Variants in ARHGEF4 observed in about 807,000 individuals in gnomAD.
ARHGEF4 encodes the protein APC-stimulated guanine nucleotide exchange factor 1.
A neutral mutation model predicts 162.0 loss-of-function variants in ARHGEF4; 119 were observed. That is an observed-to-expected ratio of 0.73 (90% CI 0.63 to 0.86). ARHGEF4 has a LOEUF of 0.86. ARHGEF4 is among the 40% of genes least tolerant of loss of function. ARHGEF4 has a pLI of 0.00. For synonymous variants in ARHGEF4, 1,014 were observed against 979.9 expected (o/e 1.03, Z -0.65); for missense variants, 2,488 against 2,456.0 (o/e 1.01, Z -0.28).
chr2:130,941,277 G>T (rs925277487), intron 3 of ARHGEF4, among the ~76,000 whole-genome samples: 2 of 150,414 alleles, frequency 1.3e-5, no homozygotes, highest in African/African-American at 4.9e-5. Flanking sequence ...CGTGATCTCA[G>T]CCCACTTCAA....
At position 130,836,967 on chromosome 2, in the gene ARHGEF4, T is replaced by G; in HGVS notation, c.14T>G (p.Val5Gly). Residue 5 changes from valine (V) to glycine (G), a missense_variant, in exon 1 of 14, where the codon GTG (valine) becomes GGG (glycine). Physicochemically the swap from Val to Gly is moderately radical, Grantham distance 109. This residue lies in a region of ARHGEF4 where 171 missense variants were observed against 169.4 expected (regional missense o/e 1.01). Transcript: ENST00000409359. ...CCGGCGGCCACCATGCTCAGCGTCGTGCACTTCCTCCGGAGCTTCTTCAAG... is the reference window on the plus strand; with the variant it reads ...CCGGCGGCCACCATGCTCAGCGTCGGGCACTTCCTCCGGAGCTTCTTCAAG... The part of the protein sequence containing the change: MLSV[V>G]HFLRSFFKTP... The G allele has an allele frequency of 8.2e-7, 1 of 1,226,604 alleles. No homozygotes were observed. The allele number at this position is 1,226,604 out of a possible 1,614,324, so 76.0% of individuals were successfully genotyped here.
At chr2:130,930,295 G>T (rs1168740586) in intron 2 of ARHGEF4, among the ~76,000 whole-genome samples, 1 of 152,188 alleles carries the variant, frequency 6.6e-6, no homozygotes, top group Non-Finnish European at 1.5e-5. Context: ...CATGGGGTGG[G>T]CATAGGGGAT....
chr2:131,011,915 G>A, intron 4 of ARHGEF4: 1 of 702,530 alleles, frequency 1.4e-6, no homozygotes, highest in Admixed American at 2.0e-5. Flanking sequence ...GGAGGTACGT[G>A]GTGGACAGAT....
At chr2:130,964,231 C>T (rs13004865) in intron 4 of ARHGEF4, 1 of 985,712 alleles carries the variant, frequency 1.0e-6, no homozygotes, top group Non-Finnish European at 1.2e-6. Context: ...CCTGGAGAGC[C>T]TGCGCTCGGC....
intron 1 of ARHGEF4, among the ~76,000 whole-genome samples, chr2:130,871,122 G>A (rs1330957336): frequency 6.6e-6 from 1 of 152,208 alleles, no homozygotes; most frequent in Admixed American, 6.5e-5. Context: ...GGCCCCGCCT[G>A]TGGGTTGCTG....
At chr2:131,033,348 T>C (rs1424964856) in intron 5 of ARHGEF4, among the ~76,000 whole-genome samples, 1 of 152,180 alleles carries the variant, frequency 6.6e-6, no homozygotes, top group Non-Finnish European at 1.5e-5. Context: ...TGCCCTGCTG[T>C]GCATGGGGCA....
intron 4 of ARHGEF4, among the ~76,000 whole-genome samples, chr2:130,986,110 A>G (rs941110361): frequency 8.1e-5 from 12 of 149,060 alleles, no homozygotes; most frequent in African/African-American, 3.0e-4. Flanking sequence ...TTGTGTGTGC[A>G]TGTAGTGCAT....
At chr2:130,906,111 C>A (rs1680797455) in intron 1 of ARHGEF4, among the ~76,000 whole-genome samples, 1 of 152,152 alleles carries the variant, frequency 6.6e-6, no homozygotes, top group Non-Finnish European at 1.5e-5. Flanking sequence ...ATTTTTAATT[C>A]TTGAGCAATT....
chr2:130,968,033 G>C (rs971449152), intron 4 of ARHGEF4, among the ~76,000 whole-genome samples: 3 of 152,184 alleles, frequency 2.0e-5, no homozygotes, highest in African/African-American at 7.2e-5. Context: ...GCACCCACAA[G>C]ACTGACCTTA....
At chr2:130,993,113 G>C (rs978382328) in intron 4 of ARHGEF4, among the ~76,000 whole-genome samples, 2 of 152,052 alleles carry the variant, frequency 1.3e-5, no homozygotes, top group African/African-American at 2.4e-5. Context: ...AGACATCAAG[G>C]CTGCTCTCTT....
At chr2:131,035,233 G>C (rs1208643402) in intron 5 of ARHGEF4, 5 of 1,225,208 alleles carry the variant, frequency 4.1e-6, no homozygotes, top group African/African-American at 1.6e-5. Flanking sequence ...CATCAACGTC[G>C]TACTGATCTT....
chr2:131,005,480 G>A (rs1392823501), intron 4 of ARHGEF4, among the ~76,000 whole-genome samples: 1 of 152,210 alleles, frequency 6.6e-6, no homozygotes, highest in East Asian at 1.9e-4. Flanking sequence ...ATGGGAGACT[G>A]CCCAGTCCTG....
chr2:131,008,154 T>C (rs1020722248), intron 4 of ARHGEF4, among the ~76,000 whole-genome samples: 1 of 152,184 alleles, frequency 6.6e-6, no homozygotes, highest in African/African-American at 2.4e-5. Flanking sequence ...TGTTTCATTA[T>C]ATAAATGTAC....
chr2:130,879,273 G>C (rs1679048205), intron 1 of ARHGEF4, among the ~76,000 whole-genome samples: 1 of 152,176 alleles, frequency 6.6e-6, no homozygotes, highest in South Asian at 2.1e-4. Context: ...CTTCTGTATG[G>C]AAGATATGTC....
In ARHGEF4 at chr2:131,041,211, C is replaced by T. The variant is rs760641305; in HGVS notation, c.4663-19C>T. On this transcript the variant is annotated intron_variant, in intron 8 of 13. Coordinates refer to ENST00000409359, the MANE Select transcript of ARHGEF4 (RefSeq NM_001367493.1). The stretch of plus-strand genomic sequence containing the variant: ...GGGAGCAGCAGAGAGCTCTGCTAAC[C>T]TCCAGCTGTGCCCCTTAGCAAGCCG... The T allele has an allele frequency of 1.9e-6, 3 of 1,605,596 alleles. No homozygotes were observed. The highest frequency in any genetic ancestry group is 2.6e-6 in the Non-Finnish European group (3 of 1,174,684).
At position 130,886,668 on chromosome 2, in the gene ARHGEF4, G is replaced by A. The variant is rs537813195; in HGVS notation, c.40-27318G>A. On this transcript the variant is annotated intron_variant, in intron 1 of 13. Transcript: ENST00000409359. ...TGCACTCCAGCCTGGGTGGCAGACC[G>A]AGACTCTGTCTCAAAAAAAAAAAAA... Among the ~76,000 whole-genome samples the A allele has an allele frequency of 3.4e-5, 5 of 146,582 alleles. 1 individual carries two copies. The East Asian group carries it at 6.0e-4, about 17-fold the overall frequency.
At chr2:131,042,294 G>A (rs1184953397) in intron 10 of ARHGEF4, among the ~76,000 whole-genome samples, 1 of 152,220 alleles carries the variant, frequency 6.6e-6, no homozygotes, top group Non-Finnish European at 1.5e-5. Flanking sequence ...GTTCACTTCT[G>A]GGACTCCTAA....
chr2:130,892,920 G>C (rs1210767478), intron 1 of ARHGEF4, among the ~76,000 whole-genome samples: 1 of 152,182 alleles, frequency 6.6e-6, no homozygotes, highest in Non-Finnish European at 1.5e-5. Context: ...CTGAATGTCT[G>C]TTTCCACACT....
In ARHGEF4 at chr2:131,038,432, G is replaced by A. The variant is rs561997741; in HGVS notation, c.4126-421G>A. On this transcript the variant is annotated intron_variant, in intron 5 of 13. Transcript: ENST00000409359. ...CCTCTCCCTCCTGCAGCCTTGCAGC[G>A]CCCAGCCTCTCCCTCCTGCAGCCTT... Among the ~76,000 whole-genome samples, 147 of 105,274 alleles carry A rather than the reference G, an allele frequency of 1.4e-3. 2 individuals carry two copies. In the East Asian group the frequency reaches 0.032, roughly 23 times the overall value. 69.1% of individuals were successfully genotyped at this position (105,274 alleles called of 152,430 possible).
Sources: allele counts gnomAD v4.1 joint callset (sites outside exome capture counted in the v4.1 genomes callset), GRCh38; gene constraint gnomAD v4.1.1; regional missense constraint gnomAD v4.1.1; transcripts MANE v1.5; gene names NCBI Gene and HGNC (gene_info 2026-07-23, HGNC 2026-07-21).